The following CDK13 variants were observed in gnomAD, a reference collection of about 807,000 sequenced individuals.
CDK13 encodes cyclin dependent kinase 13.
Under a neutral mutation model 137.6 loss-of-function variants are expected in CDK13, and 40 were observed. The ratio of observed to expected loss-of-function variants is 0.29; its 90% CI spans 0.23 to 0.38. The LOEUF (loss-of-function observed/expected upper bound fraction) is 0.38. CDK13 is among the 10% of genes least tolerant of loss of function. CDK13 has a pLI of 1.00. For synonymous variants in CDK13, 869 were observed against 760.1 expected (o/e 1.14, Z -2.36); for missense variants, 1,704 against 1,951.8 (o/e 0.87, Z 2.39).
rs568094587 is a variant in CDK13 at position 40,098,172 on chromosome 7, C to T, written c.*3192C>T. 3 of 152,130 alleles carry T rather than the reference C, an allele frequency of 2.0e-5. No individual in the cohort carries two copies. Among genetic ancestry groups the T allele is most frequent in the Non-Finnish European group, 1.5e-5 (1 of 67,942 alleles). The allele number at this position is 152,130 out of a possible 1,614,324, so 9.4% of individuals were successfully genotyped here. A position where few individuals can be genotyped will look rare whatever the true frequency, so the allele number is the denominator to read the frequency against. On this transcript the variant is annotated 3_prime_UTR_variant, in exon 14 of 14. Transcript: ENST00000181839. ...AACAACTGGAATAGCTGTTTGATAT[C>T]ACTTAAAAGTGATAAAATTTTAAGT...
intron 5 of CDK13, among the ~76,000 whole-genome samples, chr7:40,007,882 A>C (rs1053918129): frequency 4.6e-5 from 7 of 152,236 alleles, no homozygotes; most frequent in South Asian, 2.1e-4. Flanking sequence ...TGAAATGGAG[A>C]GGTAGGAATG....
chr7:39,989,086 CAAAAAA>C lies in CDK13; in HGVS notation c.1871+848_1871+853del, dbSNP rs1213730855. ...GTGACACAGTAAGACCGTGTCTCAC[CAAAAAA>C]AAAAAAAAAAAAAAAAAAAGAGAAA... On this transcript the variant is annotated intron_variant, in intron 2 of 13. Transcript: ENST00000181839. 2.4e-3 allele frequency among the ~76,000 whole-genome samples: 110 copies of C among 46,676 alleles called. 2 individuals carry two copies. The highest frequency in any genetic ancestry group is 1.0e-2 in the African/African-American group (107 of 10,730). 30.6% of individuals were successfully genotyped at this position (46,676 alleles called of 152,430 possible). A position where few individuals can be genotyped will look rare whatever the true frequency, so the allele number is the denominator to read the frequency against.
chr7:40,013,253 A>AAG (rs1211967966), intron 5 of CDK13, among the ~76,000 whole-genome samples: 1 of 152,162 alleles, frequency 6.6e-6, no homozygotes, highest in Non-Finnish European at 1.5e-5. Context: ...CTAGGGGCTT[A>AAG]AGAGAGAGAG....
At chr7:39,998,802 T>G (rs1467044865) in intron 3 of CDK13, 1 of 152,116 alleles carries the variant, frequency 6.6e-6, no homozygotes, top group Non-Finnish European at 1.5e-5. Context: ...AAACGTGGCT[T>G]CCTGAGAGTT....
chr7:39,990,147 C>T (rs1307744616), intron 2 of CDK13, among the ~76,000 whole-genome samples: 1 of 151,986 alleles, frequency 6.6e-6, no homozygotes, highest in Non-Finnish European at 1.5e-5. Flanking sequence ...AGAACTCTTA[C>T]GTATACATGT....
In CDK13 at chr7:40,092,871, G is replaced by GAA. The variant is rs1562769887; in HGVS notation, c.3322_3323insAA (p.Ala1108GlufsTer8). 1 of 1,613,974 alleles carries GAA rather than the reference G, an allele frequency of 6.2e-7. No homozygotes were observed. Among genetic ancestry groups the GAA allele is most frequent in the Non-Finnish European group, 8.5e-7 (1 of 1,179,980 alleles). On this transcript the variant is annotated frameshift_variant, in exon 13 of 14. Transcript: ENST00000181839. LOFTEE classifies it high-confidence loss of function. ...ACAATCTAAAACAAGTGTTAATATG[G>GAA]CTGATTTTGTCCAAGTGTTGAACAT...
At chr7:40,029,660 T>C (rs1440194334) in intron 5 of CDK13, among the ~76,000 whole-genome samples, 1 of 152,084 alleles carries the variant, frequency 6.6e-6, no homozygotes, top group Non-Finnish European at 1.5e-5. Flanking sequence ...CTTTTTTTTT[T>C]TCTTTTTTTT....
chr7:40,050,454 T>G (rs539215168), intron 7 of CDK13, among the ~76,000 whole-genome samples: 1 of 152,280 alleles, frequency 6.6e-6, no homozygotes, highest in South Asian at 2.1e-4. Flanking sequence ...TGCAGTGGCG[T>G]GATCTCAGCT....
At chr7:40,074,824 TAAA>T (rs1009640123) in intron 9 of CDK13, among the ~76,000 whole-genome samples, 1 of 136,654 alleles carries the variant, frequency 7.3e-6, no homozygotes, top group Admixed American at 7.4e-5. Flanking sequence ...TGTGTCTATT[TAAA>T]AAAAAAAACA....
chr7:40,043,073 C>T (rs1278708373), intron 5 of CDK13, among the ~76,000 whole-genome samples: 2 of 152,214 alleles, frequency 1.3e-5, no homozygotes, highest in East Asian at 1.9e-4. Context: ...CTACCATGCG[C>T]AGCCATCATT....
At chr7:40,082,387 TGAGGCAGAGAACTGCTTGAACCTGG>T (rs1438278705) in intron 11 of CDK13, among the ~76,000 whole-genome samples, 1 of 144,738 alleles carries the variant, frequency 6.9e-6, no homozygotes, top group Non-Finnish European at 1.5e-5. Flanking sequence ...CTCGGGAGGC[TGAGGCAGAGAACTGCTTGAACCTGG>T]GAGGCAGAGG....
chr7:39,976,666 C>T (rs1252997058), intron 1 of CDK13, among the ~76,000 whole-genome samples: 1 of 151,986 alleles, frequency 6.6e-6, no homozygotes, highest in Non-Finnish European at 1.5e-5. Flanking sequence ...TTTTTCTATA[C>T]ATACATACCT....
chr7:39,950,916 T>C lies in CDK13; in HGVS notation c.275T>C (p.Leu92Pro). ...GGCCCCCCTCTGGAGGTCAAGCGGC[T>C]GGCGAGAGGCAAGAGGCGCGCAGGA... ...SPGPPLEVKRLARGKRRAGGR... is the reference protein window; with the variant it reads ...SPGPPLEVKRPARGKRRAGGR... Residue 92 changes from leucine to proline, a missense_variant, in exon 1 of 14, where the codon CTG (leucine) becomes CCG (proline). Coordinates refer to ENST00000181839, the MANE Select transcript of CDK13 (RefSeq NM_003718.5). 3 of 1,328,526 alleles carry C rather than the reference T, an allele frequency of 2.3e-6. No homozygotes were observed. 82.3% of individuals were successfully genotyped at this position (1,328,526 alleles called of 1,614,324 possible). A position where few individuals can be genotyped will look rare whatever the true frequency, so the allele number is the denominator to read the frequency against.
rs762184046 is a variant in CDK13, at chr7:39,951,542, C to G, written c.901C>G (p.Arg301Gly). 3.3e-6 allele frequency: 5 copies of G among 1,537,120 alleles called. No homozygotes were observed. In the East Asian group the frequency reaches 1.0e-4, roughly 31 times the overall value. ...CTACAAGGAACCGCCCAAGGCCTAC[C>G]GGGAGGACAAGACCGAGCCTAAGGC... ...SAYKEPPKAY[R>G]EDKTEPKAYR... Residue 301 changes from arginine (R) to glycine (G), a missense_variant, in exon 1 of 14, where the codon CGG (arginine) becomes GGG (glycine). Arg to Gly is a moderately radical substitution (Grantham distance 125). This residue lies in a region of CDK13 where 1,051 missense variants were observed against 931.0 expected (regional missense o/e 1.13). Coordinates refer to ENST00000181839, the MANE Select transcript of CDK13 (RefSeq NM_003718.5).
chr7:40,099,117 G>GT lies in CDK13; in HGVS notation c.*4143dup, dbSNP rs1206983739. 2.0e-5 allele frequency: 3 copies of GT among 151,554 alleles called. No homozygotes were observed. Among genetic ancestry groups the GT allele is most frequent in the Non-Finnish European group, 4.4e-5 (3 of 67,862 alleles). The allele number at this position is 151,554 out of a possible 1,614,324, so 9.4% of individuals were successfully genotyped here. On this transcript the variant is annotated 3_prime_UTR_variant, in exon 14 of 14. Coordinates refer to ENST00000181839, the MANE Select transcript of CDK13 (RefSeq NM_003718.5). ...TTTCAGGGTTTTGTAATTTCAAGTGGTTTTTTAAGGGGAGCAATAGTTTGC... is the reference window on the plus strand; with the variant it reads ...TTTCAGGGTTTTGTAATTTCAAGTGGTTTTTTTAAGGGGAGCAATAGTTTGC...
At chr7:39,990,327 G>A (rs959360188) in intron 2 of CDK13, among the ~76,000 whole-genome samples, 4 of 151,724 alleles carry the variant, frequency 2.6e-5, no homozygotes, top group Admixed American at 1.3e-4. Context: ...TAATGGATAC[G>A]GAAGTTTCTA....
chr7:40,059,726 G>A (rs1375369790), intron 7 of CDK13, among the ~76,000 whole-genome samples: 1 of 152,168 alleles, frequency 6.6e-6, no homozygotes, highest in Non-Finnish European at 1.5e-5. Context: ...TCTCTACTCC[G>A]TTGACACTTC....
intron 2 of CDK13, among the ~76,000 whole-genome samples, chr7:39,992,552 G>A (rs1227567360): frequency 1.3e-5 from 2 of 151,566 alleles, no homozygotes; most frequent in Non-Finnish European, 2.9e-5. Flanking sequence ...CCAAGAATAA[G>A]GTCAGTCTCC....
At chr7:40,003,880 G>A (rs1461996195) in intron 5 of CDK13, among the ~76,000 whole-genome samples, 1 of 152,168 alleles carries the variant, frequency 6.6e-6, no homozygotes, top group East Asian at 1.9e-4. Context: ...CAGCCTGAAT[G>A]TTGCTTTATT....
Sources: allele counts gnomAD v4.1 joint callset (sites outside exome capture counted in the v4.1 genomes callset), GRCh38; gene constraint gnomAD v4.1.1; regional missense constraint gnomAD v4.1.1; transcripts MANE v1.5; gene names NCBI Gene and HGNC (gene_info 2026-07-23, HGNC 2026-07-21).